Variants in CLRN1 observed in about 807,000 individuals in gnomAD.
CLRN1 encodes the protein clarin 1, also known as clarin-1.
In CLRN1, 15 loss-of-function variants were observed where a neutral mutation model predicts 18.7. The observed-to-expected ratio is 0.80, with a 90% CI of 0.54 to 1.23. CLRN1 has a LOEUF of 1.23. Among genes scored for constraint, CLRN1 ranks in the 50% most tolerant of loss-of-function variants. The pLI is 0.00. For synonymous variants in CLRN1, 104 were observed against 102.9 expected, an observed-to-expected ratio of 1.01 and a Z score of -0.07; for missense variants, 311 against 277.5, an observed-to-expected ratio of 1.12 and a Z score of -0.86.
At chr3:150,969,413 A>G (rs1296821554) in intron 1 of CLRN1, among the ~76,000 whole-genome samples, 2 of 127,758 alleles carry the variant, frequency 1.6e-5, no homozygotes, top group African/African-American at 3.1e-5. Context: ...TGCAAGCTCC[A>G]CCTCCCGGGT....
chr3:150,950,966 A>AAATGAATG (rs1714454422), intron 1 of CLRN1, among the ~76,000 whole-genome samples: 1 of 152,254 alleles, frequency 6.6e-6, no homozygotes, highest in East Asian at 1.9e-4. Context: ...GCAGCAATAA[A>AAATGAATG]AATGAATGAG....
In CLRN1 at chr3:150,963,176, G is replaced by A. The variant is rs560320336; in HGVS notation, c.253+9280C>T. Among the ~76,000 whole-genome samples, 3 of 152,276 alleles carry A rather than the reference G, an allele frequency of 2.0e-5. No individual in the cohort carries two copies. In the East Asian group the frequency reaches 5.8e-4, roughly 29 times the overall value. On this transcript the variant is annotated intron_variant, in intron 1 of 2. Coordinates refer to ENST00000327047, the MANE Select transcript of CLRN1 (RefSeq NM_174878.3). ...ATATTTAGAAAACCCTGTCGTCTCA[G>A]CCCAAAATCTCCTTAAGCTGATAAG...
chr3:150,946,602 C>T (rs1445018158), intron 1 of CLRN1, among the ~76,000 whole-genome samples: 1 of 150,336 alleles, frequency 6.7e-6, no homozygotes, highest in South Asian at 2.1e-4. Context: ...ATAAAAATTC[C>T]AAAGACTGTA....
At chr3:150,962,470 A>C (rs1246051814) in intron 1 of CLRN1, among the ~76,000 whole-genome samples, 1 of 152,184 alleles carries the variant, frequency 6.6e-6, no homozygotes, top group Admixed American at 6.5e-5. Context: ...ATTTTTTTTC[A>C]AACAAGATTT....
chr3:150,960,573 C>G (rs1294417953), intron 1 of CLRN1, among the ~76,000 whole-genome samples: 1 of 152,062 alleles, frequency 6.6e-6, no homozygotes, highest in Non-Finnish European at 1.5e-5. Flanking sequence ...TATTTGAAAC[C>G]AGTCACATAC....
intron 1 of CLRN1, among the ~76,000 whole-genome samples, chr3:150,942,808 C>T (rs537730607): frequency 2.6e-5 from 4 of 152,290 alleles, no homozygotes; most frequent in South Asian, 2.1e-4. Flanking sequence ...GATTGGCCTT[C>T]GATTGCTTTG....
At position 150,970,867 on chromosome 3, in the gene CLRN1, C is replaced by T. The variant is rs909362220; in HGVS notation, c.253+1589G>A. 1.9e-4 allele frequency among the ~76,000 whole-genome samples: 29 copies of T among 152,182 alleles called. 1 individual carries two copies. Among genetic ancestry groups the T allele is most frequent in the Admixed American group, 7.9e-4 (12 of 15,278 alleles). On this transcript the variant is annotated intron_variant, in intron 1 of 2. Transcript: ENST00000327047. ...AGGACACAACCACAAAAATCATTCG[C>T]TAAACCCCAGAAGAATGTGGCTGTG... is the stretch of plus-strand genomic sequence containing the variant.
chr3:150,957,071 C>A (rs1714774314), intron 1 of CLRN1, among the ~76,000 whole-genome samples: 1 of 152,126 alleles, frequency 6.6e-6, no homozygotes, highest in Admixed American at 6.5e-5. Flanking sequence ...GAAATGTTTT[C>A]TCCTGTCCAA....
intron 1 of CLRN1, among the ~76,000 whole-genome samples, chr3:150,954,481 G>A (rs1464295170): frequency 1.3e-5 from 2 of 152,070 alleles, no homozygotes; most frequent in Admixed American, 1.3e-4. Flanking sequence ...GTTTATTATT[G>A]AGTTTTGAAA....
chr3:150,972,294 C>G (rs1368281663), intron 1 of CLRN1, among the ~76,000 whole-genome samples, 162 bp downstream of exon 1: 1 of 152,010 alleles, frequency 6.6e-6, no homozygotes, highest in Non-Finnish European at 1.5e-5. Context: ...ATAATAAAAA[C>G]TAGGAAGAAG....
intron 1 of CLRN1, among the ~76,000 whole-genome samples, chr3:150,948,846 C>T (rs1714329938): frequency 6.6e-6 from 1 of 152,136 alleles, no homozygotes; most frequent in South Asian, 2.1e-4. Flanking sequence ...GAACTCCTCC[C>T]CAACTCATTC....
At chr3:150,967,271 G>A (rs1715308774) in intron 1 of CLRN1, among the ~76,000 whole-genome samples, 3 of 152,144 alleles carry the variant, frequency 2.0e-5, no homozygotes, top group South Asian at 4.1e-4. Context: ...TGAAATAATA[G>A]AGCAAACATC....
intron 2 of CLRN1, among the ~76,000 whole-genome samples, chr3:150,930,529 G>A (rs6440707): frequency 0.042 from 6,350 of 152,102 alleles, 422 homozygotes; most frequent in African/African-American, 0.14. Context: ...ATATTCCTTT[G>A]TAAAATTTTG....
chr3:150,972,867 G>T, upstream of CLRN1: 1 of 948,430 alleles, frequency 1.1e-6, no homozygotes, highest in African/African-American at 1.6e-5. Context: ...CAGGTTAAAT[G>T]TCAGTAGATG....
chr3:150,942,302 T>C (rs1192508932), intron 1 of CLRN1, among the ~76,000 whole-genome samples: 1 of 152,220 alleles, frequency 6.6e-6, no homozygotes, highest in African/African-American at 2.4e-5. Context: ...GGGAAAATAA[T>C]TTCTGGTACT....
intron 1 of CLRN1, among the ~76,000 whole-genome samples, chr3:150,970,801 C>T (rs1017317545): frequency 2.0e-5 from 3 of 152,122 alleles, no homozygotes; most frequent in Non-Finnish European, 4.4e-5. Flanking sequence ...AAAGGAGGGG[C>T]ACCCAATTAG....
Position 150,956,749 on chromosome 3 carries a change from TG to T in CLRN1, c.254-14989del, listed in dbSNP as rs1233403666. Among the ~76,000 whole-genome samples, 4 of 152,094 alleles carry T rather than the reference TG, an allele frequency of 2.6e-5. No individual in the cohort carries two copies. In the South Asian group the frequency reaches 8.3e-4, roughly 32 times the overall value. Reference sequence around the variant, plus strand: ...CCCTGCCCTTACTCTCCTGCACAAATGGGGACCCCTTAGCCTCTGATCTGTG... The same window carrying T: ...CCCTGCCCTTACTCTCCTGCACAAATGGGACCCCTTAGCCTCTGATCTGTG... On this transcript the variant is annotated intron_variant, in intron 1 of 2. Coordinates refer to ENST00000327047, the MANE Select transcript of CLRN1 (RefSeq NM_174878.3).
intron 1 of CLRN1, among the ~76,000 whole-genome samples, chr3:150,943,031 C>T (rs1346593290): frequency 1.3e-5 from 2 of 152,292 alleles, no homozygotes; most frequent in Middle Eastern, 3.4e-3. Flanking sequence ...GAAAAGATGA[C>T]TCCAACCCAG....
intron 2 of CLRN1, among the ~76,000 whole-genome samples, chr3:150,939,513 G>A (rs1713684650): frequency 3.3e-5 from 5 of 152,178 alleles, no homozygotes; most frequent in Admixed American, 3.3e-4. Context: ...ACTACCTGTA[G>A]TTCAAACTTG....
Sources: gnomAD v4.1 joint callset for allele counts (sites outside exome capture counted in the v4.1 genomes callset) on GRCh38, gnomAD v4.1.1 for gene constraint, MANE v1.5 for transcripts, NCBI Gene and HGNC (gene_info 2026-07-23, HGNC 2026-07-21) for gene names.